The following SLMAP variants were observed in gnomAD, a reference collection of about 807,000 sequenced individuals.
SLMAP encodes the protein sarcolemma associated protein, also known as sarcolemmal membrane-associated protein.
A neutral mutation model predicts 128.8 loss-of-function variants in SLMAP; 44 were observed. The ratio of observed to expected loss-of-function variants is 0.34; its 90% CI spans 0.27 to 0.44. SLMAP has a LOEUF of 0.44. Among genes scored for constraint, SLMAP ranks in the 20% least tolerant of loss-of-function variants. The pLI is 1.00. For synonymous variants in SLMAP, 327 were observed against 348.8 expected (o/e 0.94, Z 0.70); for missense variants, 787 against 985.3 (o/e 0.80, Z 2.69).
Position 57,860,773 on chromosome 3 carries a change from C to T in SLMAP, c.762C>T (p.Ala254=). 3 of 1,597,628 alleles carry T rather than the reference C, an allele frequency of 1.9e-6. No individual in the cohort carries two copies. The highest frequency in any genetic ancestry group is 1.1e-5 in the South Asian group (1 of 87,026). The part of the protein sequence containing the change: ...QEDKHNYETT[A]KESLRRVLQE... ...ATAAACATAACTATGAGACAACAGC[C>T]AAAGAGTCCCTGAGGCGGGTTCTTC... The change falls in exon 9 of 25, where the codon GCC becomes GCT. Residue 254 remains alanine, a synonymous_variant. Coordinates refer to ENST00000671191, the MANE Select transcript of SLMAP (RefSeq NM_001377540.1).
At chr3:57,777,491 G>A (rs1033033059) in intron 2 of SLMAP, among the ~76,000 whole-genome samples, 6 of 152,046 alleles carry the variant, frequency 3.9e-5, no homozygotes, top group African/African-American at 1.4e-4. Flanking sequence ...GGGCTAAGAC[G>A]GGAGGACTGC....
intron 3 of SLMAP, 73 bp from the exon 4 acceptor site, chr3:57,841,226 T>C: frequency 1.2e-6 from 1 of 833,320 alleles, no homozygotes; most frequent in South Asian, 1.8e-5. Context: ...AAACTATGTT[T>C]ACATATGAGA....
chr3:57,882,202 G>A (rs2095762590), intron 14 of SLMAP, among the ~76,000 whole-genome samples: 2 of 152,146 alleles, frequency 1.3e-5, no homozygotes, highest in South Asian at 2.1e-4. Flanking sequence ...AAACATGTAT[G>A]TACCAGGCAT....
chr3:57,883,328 G>C (rs1385957778), intron 14 of SLMAP, among the ~76,000 whole-genome samples: 1 of 152,128 alleles, frequency 6.6e-6, no homozygotes, highest in Non-Finnish European at 1.5e-5. Flanking sequence ...TGGACAATAG[G>C]GTCCTGGGGC....
At chr3:57,832,691 T>C (rs1359042906) in intron 3 of SLMAP, among the ~76,000 whole-genome samples, 2 of 152,164 alleles carry the variant, frequency 1.3e-5, no homozygotes. Context: ...ATAATGCTGA[T>C]GATGCTGGTG....
intron 17 of SLMAP, among the ~76,000 whole-genome samples, chr3:57,906,310 C>CTTTTTTTCTTTTTTTT (rs2096550075): frequency 4.3e-5 from 2 of 47,044 alleles, no homozygotes; most frequent in Admixed American, 2.8e-4. Flanking sequence ...CTTTTTTTTT[C>CTTTTTTTCTTTTTTTT]TTTTTTTTTT....
intron 2 of SLMAP, among the ~76,000 whole-genome samples, chr3:57,826,351 A>G (rs998395189): frequency 6.6e-6 from 1 of 151,916 alleles, no homozygotes; most frequent in Non-Finnish European, 1.5e-5. Context: ...TCTGCTCCTT[A>G]TTCTCTTTTT....
chr3:57,780,154 T>A (rs1416223580), intron 2 of SLMAP, among the ~76,000 whole-genome samples: 2 of 146,516 alleles, frequency 1.4e-5, no homozygotes, highest in Non-Finnish European at 3.0e-5. Context: ...CCCTCCCTTC[T>A]TTTTTTTTTT....
chr3:57,839,309 C>T (rs945634238), intron 3 of SLMAP, among the ~76,000 whole-genome samples: 2 of 151,894 alleles, frequency 1.3e-5, no homozygotes, highest in Admixed American at 6.6e-5. Context: ...ATATTGAATA[C>T]ATGGTGTTAA....
In SLMAP at chr3:57,770,416, G is replaced by C. The variant is rs530460081; in HGVS notation, c.198+12567G>C. ...TAAAAAAGAGCAATGCATTCTAGCT[G>C]GAAGCATATGTTTAAGGCAGAAAAG... On this transcript the variant is annotated intron_variant, in intron 2 of 24. Transcript: ENST00000671191. Among the ~76,000 whole-genome samples the C allele has an allele frequency of 5.9e-5, 9 of 152,290 alleles. No homozygotes were observed. The East Asian group carries it at 1.2e-3, about 20-fold the overall frequency.
intron 10 of SLMAP, among the ~76,000 whole-genome samples, chr3:57,864,326 G>C (rs953457290): frequency 1.3e-5 from 2 of 151,892 alleles, no homozygotes; most frequent in Non-Finnish European, 2.9e-5. Flanking sequence ...AGAATCACTC[G>C]AACCCGGGAG....
intron 15 of SLMAP, among the ~76,000 whole-genome samples, chr3:57,895,789 A>G (rs2096228839): frequency 6.6e-6 from 1 of 151,974 alleles, no homozygotes; most frequent in Non-Finnish European, 1.5e-5. Context: ...TAAAAATTTA[A>G]AAAAGATATC....
rs561773912 is a variant in SLMAP at position 57,757,272 on chromosome 3, C to T, written c.-380C>T. On this transcript the variant is annotated 5_prime_UTR_variant, in exon 2 of 25. Transcript: ENST00000671191. ...GGGGAAAAGCGGCCGCGATCTCAAA[C>T]CAAACACAAGAATTGGCGTGTGACT... 2 of 293,120 alleles carry T rather than the reference C, an allele frequency of 6.8e-6. No homozygotes were observed. The highest frequency in any genetic ancestry group is 6.9e-5 in the South Asian group (2 of 28,826). The allele number at this position is 293,120 out of a possible 1,614,324, so 18.2% of individuals were successfully genotyped here.
intron 5 of SLMAP, 140 bp downstream of exon 5, chr3:57,847,373 A>G (rs2094305480): frequency 1.8e-6 from 1 of 560,556 alleles, no homozygotes; most frequent in Non-Finnish European, 3.2e-6. Flanking sequence ...TATAGTTATT[A>G]TAATCTTCTG....
chr3:57,781,843 CT>C (rs1209892519), intron 2 of SLMAP, among the ~76,000 whole-genome samples: 2 of 148,802 alleles, frequency 1.3e-5, no homozygotes, highest in Admixed American at 6.9e-5. Flanking sequence ...AGCAATTCTC[CT>C]TCCTCAGCCT....
intron 2 of SLMAP, among the ~76,000 whole-genome samples, chr3:57,760,590 C>T (rs1446746102): frequency 6.6e-6 from 1 of 152,048 alleles, no homozygotes; most frequent in African/African-American, 2.4e-5. Context: ...ATGAAATTTG[C>T]AGTGTCTGTA....
intron 2 of SLMAP, among the ~76,000 whole-genome samples, chr3:57,814,250 C>T (rs1227349167): frequency 6.6e-6 from 1 of 152,090 alleles, no homozygotes; most frequent in Non-Finnish European, 1.5e-5. Context: ...AGTGCAGTGA[C>T]ACAATCATGG....
intron 2 of SLMAP, among the ~76,000 whole-genome samples, chr3:57,825,034 A>G (rs1414378623): frequency 6.6e-6 from 1 of 152,084 alleles, no homozygotes; most frequent in Non-Finnish European, 1.5e-5. Flanking sequence ...TTGTCTTCTT[A>G]ATTTCCTTTT....
chr3:57,838,433 C>T (rs1482048445), intron 3 of SLMAP, among the ~76,000 whole-genome samples: 1 of 152,176 alleles, frequency 6.6e-6, no homozygotes, highest in Non-Finnish European at 1.5e-5. Context: ...CTATAAAATA[C>T]TAAGCAGGCA....
Sources: gnomAD v4.1 joint callset for allele counts (sites outside exome capture counted in the v4.1 genomes callset) on GRCh38, gnomAD v4.1.1 for gene constraint, MANE v1.5 for transcripts, NCBI Gene and HGNC (gene_info 2026-07-23, HGNC 2026-07-21) for gene names.